Variants in SYN3 observed in about 807,000 individuals in gnomAD.
SYN3 encodes the protein synapsin III.
Under a neutral mutation model 65.8 loss-of-function variants are expected in SYN3, and 35 were observed. The observed-to-expected ratio is 0.53, with a 90% confidence interval of 0.41 to 0.70. SYN3 has a LOEUF of 0.70. Ranked by LOEUF, SYN3 falls within the 30% of genes least tolerant of loss-of-function variation. SYN3 has a pLI of 0.00. For missense variants in SYN3, 680 were observed against 749.0 expected, an observed-to-expected ratio of 0.91 and a Z score of 1.08; for synonymous variants, 270 against 292.9, an observed-to-expected ratio of 0.92 and a Z score of 0.80.
chr22:32,539,996 G>A (rs955412883), intron 8 of SYN3, among the ~76,000 whole-genome samples: 1 of 152,166 alleles, frequency 6.6e-6, no homozygotes, highest in African/African-American at 2.4e-5. Flanking sequence ...CCTCACAGGA[G>A]GAAGAGGTTG....
intron 1 of SYN3, among the ~76,000 whole-genome samples, chr22:33,028,159 A>G (rs890025766): frequency 6.6e-6 from 1 of 152,140 alleles, no homozygotes; most frequent in Non-Finnish European, 1.5e-5. Flanking sequence ...CAGAGCAGAG[A>G]GGAATCCCAG....
chr22:32,686,030 C>A (rs901670564), intron 6 of SYN3, among the ~76,000 whole-genome samples: 128 of 152,274 alleles, frequency 8.4e-4, no homozygotes, highest in East Asian at 2.9e-3. Flanking sequence ...AGGAAACACA[C>A]CCCAATTTCA....
chr22:32,971,607 T>C (rs1195293800), intron 3 of SYN3, among the ~76,000 whole-genome samples: 3 of 152,316 alleles, frequency 2.0e-5, no homozygotes, highest in African/African-American at 7.2e-5. Flanking sequence ...CAGGAAAGCA[T>C]TCTGTGCAGG....
intron 6 of SYN3, among the ~76,000 whole-genome samples, chr22:32,662,254 T>C (rs1350856956): frequency 7.3e-6 from 1 of 137,480 alleles, no homozygotes; most frequent in Non-Finnish European, 1.5e-5. Context: ...CTTAGTTCTA[T>C]AGGGCTGTCT....
At position 32,880,486 on chromosome 22, in the gene SYN3, C is replaced by T. The variant is rs192258825; in HGVS notation, c.462-11361G>A. Among the ~76,000 whole-genome samples the T allele has an allele frequency of 5.3e-5, 8 of 152,272 alleles. No individual in the cohort carries two copies. In the East Asian group the frequency reaches 7.7e-4, roughly 15 times the overall value. Reference sequence around the variant, plus strand: ...GAGTTGTCCCACTTTGAGGAAAGAGCGCTGGGCTTCTGTATCCCCAAGAGC... The same window carrying T: ...GAGTTGTCCCACTTTGAGGAAAGAGTGCTGGGCTTCTGTATCCCCAAGAGC... On this transcript the variant is annotated intron_variant, in intron 4 of 13. Transcript: ENST00000358763.
intron 6 of SYN3, among the ~76,000 whole-genome samples, chr22:32,655,748 A>G (rs2060133741): frequency 2.0e-5 from 3 of 152,270 alleles, no homozygotes; most frequent in African/African-American, 7.2e-5. Flanking sequence ...CTGATTCTAC[A>G]TTAGGGTGAG....
chr22:32,654,496 C>T (rs2060115207), intron 6 of SYN3, among the ~76,000 whole-genome samples: 1 of 152,216 alleles, frequency 6.6e-6, no homozygotes, highest in South Asian at 2.1e-4. Context: ...CTGTCCCCTA[C>T]ATGCCACCCA....
At chr22:32,690,689 C>T (rs1173441205) in intron 6 of SYN3, among the ~76,000 whole-genome samples, 10 of 152,290 alleles carry the variant, frequency 6.6e-5, no homozygotes, top group African/African-American at 2.4e-4. Flanking sequence ...TGCATCCCTC[C>T]ACCAGGTGGG....
intron 13 of SYN3, chr22:32,514,594 G>T (rs1222643999): frequency 6.6e-6 from 1 of 152,232 alleles, no homozygotes; most frequent in African/African-American, 2.4e-5. Flanking sequence ...GGTGTAAGAC[G>T]AATATGATTC....
At chr22:32,943,252 C>A (rs1212750226) in intron 3 of SYN3, among the ~76,000 whole-genome samples, 2 of 152,294 alleles carry the variant, frequency 1.3e-5, no homozygotes, top group East Asian at 1.9e-4. Flanking sequence ...GATCTCTTGG[C>A]AGAAACTCTA....
chr22:32,855,687 G>A (rs1407699405), intron 6 of SYN3, among the ~76,000 whole-genome samples: 2 of 152,124 alleles, frequency 1.3e-5, no homozygotes, highest in East Asian at 3.9e-4. Context: ...TCTTTGTTCT[G>A]GGGGCTGTCC....
intron 6 of SYN3, among the ~76,000 whole-genome samples, chr22:32,734,757 T>C (rs903436087): frequency 2.6e-5 from 4 of 152,174 alleles, no homozygotes; most frequent in Non-Finnish European, 5.9e-5. Context: ...CCCCTAGGTC[T>C]TGGGCTAAAT....
chr22:32,851,182 GA>G (rs371793310), intron 6 of SYN3, among the ~76,000 whole-genome samples: 169 of 152,268 alleles, frequency 1.1e-3, no homozygotes, highest in Non-Finnish European at 1.9e-3. Context: ...GACAGCGCGG[GA>G]ATGCCAAAGC....
intron 2 of SYN3, 67 bp from the exon 3 acceptor site, chr22:32,980,769 A>G: frequency 3.4e-6 from 5 of 1,454,576 alleles, no homozygotes; most frequent in Non-Finnish European, 3.9e-6. Flanking sequence ...CCTTCTCCCA[A>G]AGGCCTTACC....
At chr22:32,604,016 C>G (rs904298521) in intron 6 of SYN3, among the ~76,000 whole-genome samples, 1 of 152,204 alleles carries the variant, frequency 6.6e-6, no homozygotes, top group Non-Finnish European at 1.5e-5. Flanking sequence ...TGGGTGTTCC[C>G]TTGGGAGGAT....
In SYN3 at chr22:32,868,333, T is replaced by C. The variant is rs780600059; in HGVS notation, c.621+633A>G. ...TATATTGTCACTGTATTATATATTATATATTACAAAGATCAATTATTACAT... is the reference window on the plus strand; with the variant it reads ...TATATTGTCACTGTATTATATATTACATATTACAAAGATCAATTATTACAT... On this transcript the variant is annotated intron_variant, in intron 5 of 13. Transcript: ENST00000358763. Among the ~76,000 whole-genome samples the C allele has an allele frequency of 8.6e-5, 13 of 151,100 alleles. No homozygotes were observed. The South Asian group carries it at 1.2e-3, about 14-fold the overall frequency.
chr22:32,801,551 C>T lies in SYN3; in HGVS notation c.711+63364G>A, dbSNP rs2046577868. ...CTGAACGATCCGGGGGCGGCCCCGC[C>T]CCGTTACCCCTTGCCCCCGGCCCCG... On this transcript the variant is annotated intron_variant, in intron 6 of 13. Coordinates refer to ENST00000358763, the MANE Select transcript of SYN3 (RefSeq NM_003490.4). This position sits in a 1 kb window ranked among gnomAD's most constrained non-coding sequence, Gnocchi z 4.7. The T allele has an allele frequency of 6.5e-6, 1 of 153,010 alleles. No homozygotes were observed. The highest frequency in any genetic ancestry group is 2.1e-4 in the South Asian group (1 of 4,848). 9.5% of individuals were successfully genotyped at this position (153,010 alleles called of 1,614,324 possible). A position where few individuals can be genotyped will look rare whatever the true frequency, so the allele number is the denominator to read the frequency against.
At chr22:32,785,882 T>C (rs1459045780) in intron 6 of SYN3, among the ~76,000 whole-genome samples, 1 of 152,190 alleles carries the variant, frequency 6.6e-6, no homozygotes, top group Non-Finnish European at 1.5e-5. Context: ...GGGTCAGGCC[T>C]GGTGTAGGGG....
chr22:32,512,869 A>T lies in SYN3; in HGVS notation c.*823T>A, dbSNP rs1283648939. ...CAGAGAGATCAAACAGTGGTGGAAC[A>T]GAATGGGTACAGGAGCCCTAACCTG... On this transcript the variant is annotated 3_prime_UTR_variant, in exon 14 of 14. Transcript: ENST00000358763. 1 of 152,254 alleles carries T rather than the reference A, an allele frequency of 6.6e-6. No individual in the cohort carries two copies. Among genetic ancestry groups the T allele is most frequent in the Non-Finnish European group, 1.5e-5 (1 of 68,046 alleles). The allele number at this position is 152,254 out of a possible 1,614,324, so 9.4% of individuals were successfully genotyped here.
Sources: allele counts gnomAD v4.1 joint callset (sites outside exome capture counted in the v4.1 genomes callset), GRCh38; gene constraint gnomAD v4.1.1; non-coding constraint Gnocchi (gnomAD v3.1); transcripts MANE v1.5; gene names NCBI Gene and HGNC (gene_info 2026-07-23, HGNC 2026-07-21).